Variants in ENPP4 observed in about 807,000 individuals in gnomAD.
ENPP4 encodes ectonucleotide pyrophosphatase/phosphodiesterase 4, also known as bis(5'-adenosyl)-triphosphatase ENPP4.
ENPP4 carries 18 observed loss-of-function variants against 33.4 expected under a neutral mutation model. That is an observed-to-expected ratio of 0.54 (90% confidence interval 0.37 to 0.80). The LOEUF is 0.80. Ranked by LOEUF, ENPP4 falls within the 30% of genes least tolerant of loss-of-function variation. ENPP4 has a pLI of 0.00. For synonymous variants in ENPP4, 172 were observed against 189.9 expected, an observed-to-expected ratio of 0.91 and a Z score of 0.78; for missense variants, 480 against 541.7, an observed-to-expected ratio of 0.89 and a Z score of 1.13.
At chr6:46,137,580 T>TC (rs1238043745) in intron 1 of ENPP4, among the ~76,000 whole-genome samples, 8 of 151,928 alleles carry the variant, frequency 5.3e-5, no homozygotes, top group Non-Finnish European at 1.2e-4. Flanking sequence ...AGTACCATTG[T>TC]CTAGATTCTT....
rs781429930 is a variant in ENPP4 at position 46,141,207 on chromosome 6, G to A, written c.982G>A (p.Glu328Lys). 1 of 1,606,682 alleles carries A rather than the reference G, an allele frequency of 6.2e-7. No individual in the cohort carries two copies. The highest frequency in any genetic ancestry group is 1.7e-4 in the Middle Eastern group (1 of 6,016). ...ADEGWTIVLNESSQKLGDHGY... is the reference protein window; with the variant it reads ...ADEGWTIVLNKSSQKLGDHGY... ...TGAAGGCTGGACAATTGTGCTAAAT[G>A]AATCATCACAAAAATGTAAGTATTT... Residue 328 changes from glutamate (E) to lysine (K), a missense_variant, in exon 3 of 4, where the codon GAA (glutamate) becomes AAA (lysine). By Grantham distance (56) the Glu-to-Lys change is moderately conservative. This residue lies in a region of ENPP4 where 249 missense variants were observed against 251.8 expected (regional missense o/e 0.99). Transcript: ENST00000321037.
chr6:46,140,331 A>T lies in ENPP4; in HGVS notation c.748A>T (p.Asn250Tyr), dbSNP rs762819871. ...MTQCSQDRLI[N>Y]LDSCIDHSYY... Reference sequence around the variant, plus strand: ...CCAGTGTTCTCAGGACAGACTGATAAACCTGGATTCCTGCATCGATCATTC... The same window carrying T: ...CCAGTGTTCTCAGGACAGACTGATATACCTGGATTCCTGCATCGATCATTC... The change falls in exon 2 of 4, where the codon AAC becomes TAC. Residue 250 changes from asparagine to tyrosine, a missense_variant. Around this residue, in one of 3 missense-constraint regions of ENPP4, gnomAD observed 249 missense variants for 251.8 expected, o/e 0.99. Transcript: ENST00000321037. 21 of 1,611,824 alleles carry T rather than the reference A, an allele frequency of 1.3e-5. No individual in the cohort carries two copies. In the South Asian group the frequency reaches 2.3e-4, roughly 18 times the overall value.
At position 46,146,013 on chromosome 6, in the gene ENPP4, A is replaced by G. The variant is rs1427354650; in HGVS notation, c.*2373A>G. 1 of 151,846 alleles carries G rather than the reference A, an allele frequency of 6.6e-6. No homozygotes were observed. The highest frequency in any genetic ancestry group is 1.5e-5 in the Non-Finnish European group (1 of 67,824). 9.4% of individuals were successfully genotyped at this position (151,846 alleles called of 1,614,324 possible). A position where few individuals can be genotyped will look rare whatever the true frequency, so the allele number is the denominator to read the frequency against. On this transcript the variant is annotated 3_prime_UTR_variant, in exon 4 of 4. Coordinates refer to ENST00000321037, the MANE Select transcript of ENPP4 (RefSeq NM_014936.5). ...AAGGTTTTGGTGTGTATTTTGTTAA[A>G]TAACTAACATGCTGCTCTATTTTCT... is the stretch of plus-strand genomic sequence containing the variant.
In ENPP4 at chr6:46,145,774, G is replaced by A. The variant is rs138001674; in HGVS notation, c.*2134G>A. ...CATTTACCTATTTGTCTTTCCTTACGTTCTCAAAATATTAACTCGAATTGT... is the reference window on the plus strand; with the variant it reads ...CATTTACCTATTTGTCTTTCCTTACATTCTCAAAATATTAACTCGAATTGT... On this transcript the variant is annotated 3_prime_UTR_variant, in exon 4 of 4. Coordinates refer to ENST00000321037, the MANE Select transcript of ENPP4 (RefSeq NM_014936.5). The A allele has an allele frequency of 1.3e-4, 20 of 151,782 alleles. No homozygotes were observed. In the East Asian group the frequency reaches 2.5e-3, roughly 19 times the overall value. The allele number at this position is 151,782 out of a possible 1,614,324, so 9.4% of individuals were successfully genotyped here. A position where few individuals can be genotyped will look rare whatever the true frequency, so the allele number is the denominator to read the frequency against.
intron 1 of ENPP4, among the ~76,000 whole-genome samples, chr6:46,138,228 A>G (rs1276996661): frequency 1.3e-5 from 2 of 151,808 alleles, no homozygotes; most frequent in East Asian, 1.9e-4. Flanking sequence ...TCTTACTTAC[A>G]TCTGTCAGTT....
At chr6:46,143,033 T>C (rs1226046577) in intron 3 of ENPP4, among the ~76,000 whole-genome samples, 1 of 151,416 alleles carries the variant, frequency 6.6e-6, no homozygotes, top group Non-Finnish European at 1.5e-5. Flanking sequence ...TACATCAGGT[T>C]GACAAGTGGT....
chr6:46,143,594 C>A lies in ENPP4; in HGVS notation c.1316C>A (p.Ser439Tyr). 1.2e-6 allele frequency: 2 copies of A among 1,612,098 alleles called. No homozygotes were observed. The highest frequency in any genetic ancestry group is 1.7e-6 in the Non-Finnish European group (2 of 1,178,624). The change falls in exon 4 of 4, where the codon TCT becomes TAT. Residue 439 changes from serine (S) to tyrosine (Y), a missense_variant. Around this residue, in one of 3 missense-constraint regions of ENPP4, gnomAD observed 249 missense variants for 251.8 expected, o/e 0.99. Transcript: ENST00000321037. ...AGACTTTCTGTACCTCGTCCATTTT[C>A]TCGACTTCAGCTACAAGAAGATGAT... is the stretch of plus-strand genomic sequence containing the variant. Reference protein sequence around the residue: ...QNRLSVPRPFSRLQLQEDDDD... With the variant: ...QNRLSVPRPFYRLQLQEDDDD...
At chr6:46,131,861 G>A (rs1763906683) in intron 1 of ENPP4, among the ~76,000 whole-genome samples, 1 of 152,196 alleles carries the variant, frequency 6.6e-6, no homozygotes, top group Non-Finnish European at 1.5e-5. Context: ...TAACTGGTGT[G>A]AGATGATATC....
At position 46,146,100 on chromosome 6, in the gene ENPP4, G is replaced by A. The variant is rs1412300519; in HGVS notation, c.*2460G>A. ...TTGTTTGTGAAAACAATACCCCAAG[G>A]TAATAGGAAAAGTTTGAGTTAAGTG... On this transcript the variant is annotated 3_prime_UTR_variant, in exon 4 of 4. Transcript: ENST00000321037. The A allele has an allele frequency of 6.6e-6, 1 of 151,772 alleles. No homozygotes were observed. The highest frequency in any genetic ancestry group is 1.5e-5 in the Non-Finnish European group (1 of 67,810). The allele number at this position is 151,772 out of a possible 1,614,324, so 9.4% of individuals were successfully genotyped here.
intron 1 of ENPP4, among the ~76,000 whole-genome samples, chr6:46,134,623 C>A (rs7356841): frequency 0.32 from 47,850 of 151,852 alleles, 7,960 homozygotes; most frequent in Middle Eastern, 0.43. Flanking sequence ...AAAATGAGAT[C>A]AAAAATGTTT....
chr6:46,140,348 C>T lies in ENPP4; in HGVS notation c.765C>T (p.Ile255=), dbSNP rs1329051392. The part of the protein sequence containing the change: ...QDRLINLDSC[I]DHSYYTLIDL... ...GACTGATAAACCTGGATTCCTGCAT[C>T]GATCATTCATACTACACTCTTATAG... Residue 255 remains isoleucine, a synonymous_variant, in exon 2 of 4, where the codon ATC becomes ATT. Transcript: ENST00000321037. 7.5e-6 allele frequency: 12 copies of T among 1,609,770 alleles called. No homozygotes were observed. Among genetic ancestry groups the T allele is most frequent in the East Asian group, 2.2e-5 (1 of 44,832 alleles).
At chr6:46,142,415 A>ATAATT (rs1764079731) in intron 3 of ENPP4, among the ~76,000 whole-genome samples, 1 of 21,234 alleles carries the variant, frequency 4.7e-5, no homozygotes, top group Admixed American at 4.0e-4. Flanking sequence ...ATATAATTAT[A>ATAATT]ATATATATTT....
chr6:46,130,528 G>T (rs938958716), intron 1 of ENPP4, among the ~76,000 whole-genome samples: 1 of 152,208 alleles, frequency 6.6e-6, no homozygotes, highest in African/African-American at 2.4e-5. Flanking sequence ...AGGGGAGCTG[G>T]GGCGGGGTCG....
rs1764035937 is a variant in ENPP4, at chr6:46,140,191, T to C, written c.608T>C (p.Met203Thr). ...TACGGACCTGAAGATAAAGAAAACA[T>C]GAGCAGAGTGTTGAAAAAAATAGAT... is the stretch of plus-strand genomic sequence containing the variant. Reference protein sequence around the residue: ...HKYGPEDKENMSRVLKKIDDL... With the variant: ...HKYGPEDKENTSRVLKKIDDL... Residue 203 changes from methionine (M) to threonine (T), a missense_variant, in exon 2 of 4, where the codon ATG becomes ACG. Met to Thr is a moderately conservative substitution (Grantham distance 81). Coordinates refer to ENST00000321037, the MANE Select transcript of ENPP4 (RefSeq NM_014936.5). 2 of 1,612,366 alleles carry C rather than the reference T, an allele frequency of 1.2e-6. No homozygotes were observed. The highest frequency in any genetic ancestry group is 8.5e-7 in the Non-Finnish European group (1 of 1,179,036).
chr6:46,131,169 AT>A (rs1763890141), intron 1 of ENPP4, among the ~76,000 whole-genome samples: 1 of 151,572 alleles, frequency 6.6e-6, no homozygotes, highest in Admixed American at 6.6e-5. Context: ...ATTAATTATT[AT>A]TATTATACCT....
At chr6:46,134,016 G>A (rs1467987673) in intron 1 of ENPP4, among the ~76,000 whole-genome samples, 4 of 152,052 alleles carry the variant, frequency 2.6e-5, no homozygotes, top group Non-Finnish European at 5.9e-5. Flanking sequence ...GCTAATCACT[G>A]GACTTTAGCT....
rs1202155244 is a variant in ENPP4 at position 46,143,679 on chromosome 6, A to T, written c.*39A>T. The T allele has an allele frequency of 2.6e-6, 4 of 1,541,632 alleles. No individual in the cohort carries two copies. Among genetic ancestry groups the T allele is most frequent in the Non-Finnish European group, 3.5e-6 (4 of 1,139,714 alleles). The stretch of plus-strand genomic sequence containing the variant: ...TTATACAAAGTGTCTTTGATTAATC[A>T]CAAAACTAAGAATACATCCAAAGAA... On this transcript the variant is annotated 3_prime_UTR_variant, in exon 4 of 4. Coordinates refer to ENST00000321037, the MANE Select transcript of ENPP4 (RefSeq NM_014936.5).
intron 1 of ENPP4, among the ~76,000 whole-genome samples, chr6:46,130,715 A>C (rs548765500): frequency 6.6e-6 from 1 of 152,388 alleles, no homozygotes; most frequent in South Asian, 2.1e-4. Flanking sequence ...GCTGGATTAA[A>C]AGCACGTAAG....
At chr6:46,132,421 C>T (rs1420509333) in intron 1 of ENPP4, among the ~76,000 whole-genome samples, 2 of 152,152 alleles carry the variant, frequency 1.3e-5, no homozygotes, top group African/African-American at 4.8e-5. Context: ...AATACTTTCC[C>T]CATTGCTTGT....
Sources: allele counts gnomAD v4.1 joint callset (sites outside exome capture counted in the v4.1 genomes callset), GRCh38; gene constraint gnomAD v4.1.1; regional missense constraint gnomAD v4.1.1; transcripts MANE v1.5; gene names NCBI Gene and HGNC (gene_info 2026-07-23, HGNC 2026-07-21).